CACNB2: variants seen among roughly 807,000 people sequenced by gnomAD.
CACNB2 encodes calcium voltage-gated channel auxiliary subunit beta 2, also known as voltage-dependent L-type calcium channel subunit beta-2.
Under a neutral mutation model 73.3 loss-of-function variants are expected in CACNB2, and 42 were observed. That is an observed-to-expected ratio of 0.57 (90% CI 0.45 to 0.74). CACNB2 has a LOEUF of 0.74. Among genes scored for constraint, CACNB2 ranks in the 30% least tolerant of loss-of-function variants. The probability of loss-of-function intolerance (pLI) is 0.00; values close to 1 mark genes in which losing one functional copy is unlikely to be tolerated. For synonymous variants in CACNB2, 348 were observed against 310.3 expected, an observed-to-expected ratio of 1.12 and a Z score of -1.28; for missense variants, 940 against 853.0, an observed-to-expected ratio of 1.10 and a Z score of -1.27.
At chr10:18,148,998 C>G (rs1006053871) in intron 1 of CACNB2, among the ~76,000 whole-genome samples, 2 of 128,342 alleles carry the variant, frequency 1.6e-5, no homozygotes, top group African/African-American at 3.3e-5. Context: ...GCACAAGACA[C>G]TGTCTCAAAA....
intron 2 of CACNB2, among the ~76,000 whole-genome samples, chr10:18,360,668 G>A (rs2042105604): frequency 6.6e-6 from 1 of 152,168 alleles, no homozygotes; most frequent in Non-Finnish European, 1.5e-5. Context: ...CTTTGATCAC[G>A]GGGCTAAGAT....
At chr10:18,429,794 A>C (rs1589326968) in intron 3 of CACNB2, among the ~76,000 whole-genome samples, 1 of 125,652 alleles carries the variant, frequency 8.0e-6, no homozygotes, top group Admixed American at 8.7e-5. Flanking sequence ...ACATAGCAAG[A>C]CTCCGTCTCT....
intron 2 of CACNB2, among the ~76,000 whole-genome samples, chr10:18,397,202 C>G (rs535791279): frequency 1.3e-4 from 20 of 152,282 alleles, no homozygotes; most frequent in Non-Finnish European, 2.8e-4. Context: ...TGTAGTGGCT[C>G]AAGCCAGTAA....
At chr10:18,314,380 G>T (rs899755177) in intron 2 of CACNB2, among the ~76,000 whole-genome samples, 2 of 152,076 alleles carry the variant, frequency 1.3e-5, no homozygotes, top group Admixed American at 6.6e-5. Context: ...GTTTGACTCT[G>T]TTCACAACAT....
At chr10:18,227,860 C>G (rs1220463220) in intron 2 of CACNB2, among the ~76,000 whole-genome samples, 1 of 152,122 alleles carries the variant, frequency 6.6e-6, no homozygotes, top group African/African-American at 2.4e-5. Context: ...TGGACTGGGG[C>G]TCATCAGAAG....
At chr10:18,466,075 T>C (rs770025949) in intron 3 of CACNB2, among the ~76,000 whole-genome samples, 1 of 152,144 alleles carries the variant, frequency 6.6e-6, no homozygotes, top group African/African-American at 2.4e-5. Context: ...GACAAACACA[T>C]ACAGGCACAC....
intron 2 of CACNB2, among the ~76,000 whole-genome samples, chr10:18,387,761 T>C (rs2043295566): frequency 7.3e-6 from 1 of 137,636 alleles, no homozygotes; most frequent in Admixed American, 7.1e-5. Context: ...TCTTTCTCTC[T>C]TTTTTTTTTT....
chr10:18,252,286 T>A (rs1369837523), intron 2 of CACNB2, among the ~76,000 whole-genome samples: 1 of 152,208 alleles, frequency 6.6e-6, no homozygotes, highest in Non-Finnish European at 1.5e-5. Flanking sequence ...TTACACAATG[T>A]TCCTTTTTAT....
chr10:18,441,661 G>A (rs2046416232), intron 3 of CACNB2, among the ~76,000 whole-genome samples: 1 of 152,070 alleles, frequency 6.6e-6, no homozygotes, highest in African/African-American at 2.4e-5. Flanking sequence ...TTTAAAGACA[G>A]GGTCTCACTG....
chr10:18,284,910 C>G (rs991804070), intron 2 of CACNB2, among the ~76,000 whole-genome samples: 3 of 152,280 alleles, frequency 2.0e-5, no homozygotes, highest in Non-Finnish European at 4.4e-5. Context: ...CTAGGGAGTA[C>G]TAAATCACAG....
chr10:18,514,343 G>A lies in CACNB2; in HGVS notation c.778G>A (p.Glu260Lys). The change falls in exon 7 of 14, where the codon GAG becomes AAG. Residue 260 changes from glutamate to lysine, a missense_variant. By Grantham distance (56) the Glu-to-Lys change is moderately conservative. Coordinates refer to ENST00000324631, the MANE Select transcript of CACNB2 (RefSeq NM_201596.3). ...CAGTGTAACGTCACCCCACTCCAAAGAGAAAAGAATGCCCTTCTTTAAGAA... is the reference window on the plus strand; with the variant it reads ...CAGTGTAACGTCACCCCACTCCAAAAAGAAAAGAATGCCCTTCTTTAAGAA... ...ANSVTSPHSK[E>K]KRMPFFKKTE... The A allele has an allele frequency of 6.2e-7, 1 of 1,614,108 alleles. No homozygotes were observed. Among genetic ancestry groups the A allele is most frequent in the Non-Finnish European group, 8.5e-7 (1 of 1,180,002 alleles).
intron 3 of CACNB2, among the ~76,000 whole-genome samples, chr10:18,437,162 G>C (rs1047457191): frequency 3.3e-5 from 5 of 152,180 alleles, no homozygotes; most frequent in African/African-American, 1.2e-4. Flanking sequence ...AACAAATACT[G>C]TTTCCAATTA....
intron 2 of CACNB2, among the ~76,000 whole-genome samples, chr10:18,158,646 A>G (rs2032230514): frequency 6.6e-6 from 1 of 152,182 alleles, no homozygotes; most frequent in Non-Finnish European, 1.5e-5. Flanking sequence ...TTAGTTTTTC[A>G]TATCACTTCT....
intron 3 of CACNB2, among the ~76,000 whole-genome samples, chr10:18,469,769 C>T (rs937412817): frequency 1.3e-5 from 2 of 152,106 alleles, no homozygotes; most frequent in African/African-American, 2.4e-5. Context: ...AAAATCGTAA[C>T]CACATCCATG....
intron 2 of CACNB2, among the ~76,000 whole-genome samples, chr10:18,254,514 A>G (rs2037204907): frequency 6.6e-6 from 1 of 151,648 alleles, no homozygotes; most frequent in Non-Finnish European, 1.5e-5. Context: ...CATTACTGAG[A>G]AAAAAAAATG....
intron 2 of CACNB2, among the ~76,000 whole-genome samples, chr10:18,275,438 T>C (rs1342443249): frequency 6.6e-6 from 1 of 152,176 alleles, no homozygotes; most frequent in Non-Finnish European, 1.5e-5. Flanking sequence ...TAGGAGCTGA[T>C]GGAAGAGTAT....
chr10:18,523,570 C>G (rs2052142159), intron 9 of CACNB2, among the ~76,000 whole-genome samples: 1 of 152,216 alleles, frequency 6.6e-6, no homozygotes, highest in Non-Finnish European at 1.5e-5. Flanking sequence ...GTTCTATATT[C>G]TAGCCCTGTT....
chr10:18,430,922 G>T (rs113295861), intron 3 of CACNB2, among the ~76,000 whole-genome samples: 404 of 152,248 alleles, frequency 2.7e-3, no homozygotes, highest in Non-Finnish European at 4.6e-3. Context: ...TTTGGGTCTG[G>T]TCAGATGCTT....
intron 2 of CACNB2, among the ~76,000 whole-genome samples, chr10:18,216,943 T>C (rs532530091): frequency 8.5e-5 from 13 of 152,344 alleles, no homozygotes; most frequent in African/African-American, 2.9e-4. Context: ...GTTCATTTAT[T>C]TGGGTCAAGT....
Sources: allele counts gnomAD v4.1 joint callset (sites outside exome capture counted in the v4.1 genomes callset), GRCh38; gene constraint gnomAD v4.1.1; transcripts MANE v1.5; gene names NCBI Gene and HGNC (gene_info 2026-07-23, HGNC 2026-07-21).